The following DLG3 variants were observed in gnomAD, a reference collection of about 807,000 sequenced individuals.
DLG3 encodes the protein disks large homolog 3.
Under a neutral mutation model 64.1 loss-of-function variants are expected in DLG3, and 1 was observed. The observed-to-expected ratio is 0.02, with a 90% CI of 0.01 to 0.07. The LOEUF is 0.07. DLG3 is among the 10% of genes least tolerant of loss of function. DLG3 has a pLI of 1.00. For synonymous variants in DLG3, 245 were observed against 259.8 expected, an observed-to-expected ratio of 0.94 and a Z score of 0.55; for missense variants, 429 against 669.5, an observed-to-expected ratio of 0.64 and a Z score of 3.96.
chrX:70,466,964 G>A (rs1298070113), intron 9 of DLG3, among the ~76,000 whole-genome samples: 1 of 111,467 alleles, frequency 9.0e-6, no homozygotes. Context: ...CCAGGCTGGA[G>A]TGCAGTGGCA....
chrX:70,503,602 T>A lies in DLG3; in HGVS notation c.*1333T>A, dbSNP rs1029180339. 1.3e-4 allele frequency: 15 copies of A among 111,866 alleles called. No homozygotes were observed. Among genetic ancestry groups the A allele is most frequent in the African/African-American group, 4.5e-4 (14 of 30,770 alleles). 9.2% of individuals were successfully genotyped at this position (111,866 alleles called of 1,213,427 possible). ...TGCGTCATGAGTTTGATTTGGTTTTTTTTTTTTTGCAGCTGCTTCATATGC... is the reference window on the plus strand; with the variant it reads ...TGCGTCATGAGTTTGATTTGGTTTTATTTTTTTTGCAGCTGCTTCATATGC... On this transcript the variant is annotated 3_prime_UTR_variant, in exon 19 of 19. Transcript: ENST00000374360.
chrX:70,451,123 G>A (rs1451719931), intron 6 of DLG3: 1 of 268,557 alleles, frequency 3.7e-6, no homozygotes, highest in South Asian at 6.4e-5. Flanking sequence ...GTTTGTTTGA[G>A]ACGGAGTCTT....
At chrX:70,501,218 G>T (rs752375876) in intron 18 of DLG3, among the ~76,000 whole-genome samples, 1 of 111,369 alleles carries the variant, frequency 9.0e-6, no homozygotes, top group East Asian at 2.8e-4. Flanking sequence ...TCCTTGAATT[G>T]TTGGTTTGTT....
At position 70,445,071 on chromosome X, in the gene DLG3, C is replaced by G. The variant is rs962347193; in HGVS notation, c.-131C>G. The stretch of plus-strand genomic sequence containing the variant: ...TCAGCCCGGGCGCCCCCACGGGTGC[C>G]CCCCCCTTCTTGGTCCGAGCAGTGT... On this transcript the variant is annotated 5_prime_UTR_variant, in exon 1 of 19. Transcript: ENST00000374360. 2.1e-6 allele frequency: 1 copy of G among 481,488 alleles called. No homozygotes were observed. Among genetic ancestry groups the G allele is most frequent in the East Asian group, 4.7e-5 (1 of 21,152 alleles). The allele number at this position is 481,488 out of a possible 1,213,427, so 39.7% of individuals were successfully genotyped here.
In DLG3 at chrX:70,504,338, T is replaced by C. The variant is rs1351612794; in HGVS notation, c.*2069T>C. The stretch of plus-strand genomic sequence containing the variant: ...CCAGTGTTTCTTCCAAGGAGACATA[T>C]ATTTTTTAATAAACGATAGTTGCAA... On this transcript the variant is annotated 3_prime_UTR_variant, in exon 19 of 19. Coordinates refer to ENST00000374360, the MANE Select transcript of DLG3 (RefSeq NM_021120.4). The C allele has an allele frequency of 8.9e-6, 1 of 112,521 alleles. No individual in the cohort carries two copies. The highest frequency in any genetic ancestry group is 1.9e-5 in the Non-Finnish European group (1 of 53,223). The allele number at this position is 112,521 out of a possible 1,213,427, so 9.3% of individuals were successfully genotyped here. A position where few individuals can be genotyped will look rare whatever the true frequency, so the allele number is the denominator to read the frequency against.
At chrX:70,473,280 A>C (rs1397530375) in intron 9 of DLG3, among the ~76,000 whole-genome samples, 1 of 109,679 alleles carries the variant, frequency 9.1e-6, no homozygotes, top group Admixed American at 9.8e-5. Context: ...CCTGTGTTCC[A>C]TACATTTTGT....
At chrX:70,467,213 T>C (rs924290954) in intron 9 of DLG3, among the ~76,000 whole-genome samples, 1 of 112,364 alleles carries the variant, frequency 8.9e-6, no homozygotes, top group Admixed American at 9.5e-5. Flanking sequence ...CCACTGTGCC[T>C]GGCCTGTTTT....
At chrX:70,495,635 C>T (rs1415696637) in intron 13 of DLG3, among the ~76,000 whole-genome samples, 182 bp downstream of exon 13, 1 of 111,474 alleles carries the variant, frequency 9.0e-6, no homozygotes, top group Non-Finnish European at 1.9e-5. Flanking sequence ...CTATGGATCC[C>T]TAGTACCCAA....
chrX:70,484,304 T>G (rs929850835), intron 10 of DLG3, among the ~76,000 whole-genome samples: 2 of 111,829 alleles, frequency 1.8e-5, no homozygotes, highest in African/African-American at 3.3e-5. Flanking sequence ...TGTTAGAGCA[T>G]CTGTAGTCTT....
rs2086867323 is a variant in DLG3, at chrX:70,465,236, G to A, written c.1405+10920G>A. Among the ~76,000 whole-genome samples the A allele has an allele frequency of 2.7e-5, 3 of 112,142 alleles. No individual in the cohort carries two copies. In the Admixed American group the frequency reaches 2.8e-4, roughly 11 times the overall value. The stretch of plus-strand genomic sequence containing the variant: ...TGATGGACAGGGTTACTGGGCTGTA[G>A]ATTAGGGAAATACGGTAGATGCACT... On this transcript the variant is annotated intron_variant, in intron 9 of 18. Transcript: ENST00000374360.
Position 70,501,006 on chromosome X carries a change from C to T in DLG3, c.2347+17C>T. The T allele has an allele frequency of 8.9e-7, 1 of 1,129,412 alleles. No homozygotes were observed. The highest frequency in any genetic ancestry group is 1.2e-6 in the Non-Finnish European group (1 of 831,894). The allele number at this position is 1,129,412 out of a possible 1,213,427, so 93.1% of individuals were successfully genotyped here. ...ACTTTACAGGTAAGACTCCTGCTGC[C>T]CTGCGGGGGGTTCTGGGGAACTAGC... On this transcript the variant is annotated intron_variant, in intron 18 of 18. Transcript: ENST00000374360.
At chrX:70,465,845 A>G (rs2086875702) in intron 9 of DLG3, among the ~76,000 whole-genome samples, 1 of 112,041 alleles carries the variant, frequency 8.9e-6, no homozygotes, top group Non-Finnish European at 1.9e-5. Context: ...ATATTTCATC[A>G]TGTGTGTGCC....
In DLG3 at chrX:70,503,743, A is replaced by C. The variant is rs1276242052; in HGVS notation, c.*1474A>C. 3 of 111,545 alleles carry C rather than the reference A, an allele frequency of 2.7e-5. No individual in the cohort carries two copies. Among genetic ancestry groups the C allele is most frequent in the African/African-American group, 9.8e-5 (3 of 30,529 alleles). The allele number at this position is 111,545 out of a possible 1,213,427, so 9.2% of individuals were successfully genotyped here. On this transcript the variant is annotated 3_prime_UTR_variant, in exon 19 of 19. Coordinates refer to ENST00000374360, the MANE Select transcript of DLG3 (RefSeq NM_021120.4). ...AGATTCGCTTACTGGTGAGCTGTGA[A>C]ACCTTGTTGCTTTTTCCCAGAGTCT...
At chrX:70,463,399 G>A (rs141236697) in intron 9 of DLG3, among the ~76,000 whole-genome samples, 64 of 110,830 alleles carry the variant, frequency 5.8e-4, no homozygotes, top group African/African-American at 1.9e-3. Flanking sequence ...CACCTGCCTC[G>A]GCCTCCCAAA....
chrX:70,479,313 C>T, intron 10 of DLG3, 49 bp downstream of exon 10: 1 of 934,905 alleles, frequency 1.1e-6, no homozygotes, highest in South Asian at 1.9e-5. Flanking sequence ...GAGGAGAGCT[C>T]CATGCCAACC....
In DLG3 at chrX:70,505,328, G is replaced by A. The variant is rs768264003; in HGVS notation, c.*3059G>A. 1 of 111,970 alleles carries A rather than the reference G, an allele frequency of 8.9e-6. No individual in the cohort carries two copies. Among genetic ancestry groups the A allele is most frequent in the Non-Finnish European group, 1.9e-5 (1 of 53,192 alleles). The allele number at this position is 111,970 out of a possible 1,213,427, so 9.2% of individuals were successfully genotyped here. A position where few individuals can be genotyped will look rare whatever the true frequency, so the allele number is the denominator to read the frequency against. Reference sequence around the variant, plus strand: ...ACCCTTAACACTGCCGTGCTGTGCTGTGCCGTGTCCTGAAGGAGGAGAGAG... The same window carrying A: ...ACCCTTAACACTGCCGTGCTGTGCTATGCCGTGTCCTGAAGGAGGAGAGAG... On this transcript the variant is annotated 3_prime_UTR_variant, in exon 19 of 19. Coordinates refer to ENST00000374360, the MANE Select transcript of DLG3 (RefSeq NM_021120.4).
intron 14 of DLG3, 108 bp downstream of exon 14, chrX:70,498,678 C>A: frequency 1.4e-6 from 1 of 699,433 alleles, no homozygotes; most frequent in Non-Finnish European, 2.1e-6. Flanking sequence ...AGGAGGAAGG[C>A]TTGACTCATG....
At chrX:70,482,672 T>G (rs924532069) in intron 10 of DLG3, among the ~76,000 whole-genome samples, 4 of 88,408 alleles carry the variant, frequency 4.5e-5, no homozygotes, top group Admixed American at 1.3e-4. Flanking sequence ...GTTTTTTTTT[T>G]TTTTTTTTTT....
At chrX:70,489,453 C>A (rs1459805190) in intron 10 of DLG3, among the ~76,000 whole-genome samples, 3 of 110,784 alleles carry the variant, frequency 2.7e-5, no homozygotes, top group African/African-American at 9.9e-5. Context: ...CAGGCGCCCA[C>A]CACCCCGCCC....
Sources: gnomAD v4.1 joint callset for allele counts (sites outside exome capture counted in the v4.1 genomes callset) on GRCh38, gnomAD v4.1.1 for gene constraint, MANE v1.5 for transcripts, NCBI Gene and HGNC (gene_info 2026-07-23, HGNC 2026-07-21) for gene names.